NEGR1: variants seen among roughly 807,000 people sequenced by gnomAD.
NEGR1 encodes the protein neuronal growth regulator 1.
NEGR1 carries 10 observed loss-of-function variants against 40.9 expected under a neutral mutation model. The observed-to-expected ratio is 0.24, with a 90% CI of 0.15 to 0.42. NEGR1 has a LOEUF of 0.42. Ranked by LOEUF, NEGR1 falls within the 10% of genes least tolerant of loss-of-function variation. The pLI, the probability that NEGR1 is intolerant of heterozygous loss-of-function variation, is 1.00. For synonymous variants in NEGR1, 185 were observed against 166.8 expected, an observed-to-expected ratio of 1.11 and a Z score of -0.84; for missense variants, 352 against 438.9, an observed-to-expected ratio of 0.80 and a Z score of 1.77.
chr1:71,397,114 A>G lies in NEGR1; in HGVS notation c.*10332T>C. The G allele has an allele frequency of 6.3e-6, 1 of 159,376 alleles. No homozygotes were observed. Among genetic ancestry groups the G allele is most frequent in the Non-Finnish European group, 1.4e-5 (1 of 73,882 alleles). 9.9% of individuals were successfully genotyped at this position (159,376 alleles called of 1,614,324 possible). The stretch of plus-strand genomic sequence containing the variant: ...ATAAAATCCAGGCTGAGGTGGTCTC[A>G]GATGGAAATGAATAACTTGTTGGGA... On this transcript the variant is annotated 3_prime_UTR_variant, in exon 7 of 7. Coordinates refer to ENST00000357731, the MANE Select transcript of NEGR1 (RefSeq NM_173808.3).
chr1:71,513,111 A>G (rs2101418978), intron 6 of NEGR1, among the ~76,000 whole-genome samples: 1 of 152,316 alleles, frequency 6.6e-6, no homozygotes, highest in Middle Eastern at 3.4e-3. Flanking sequence ...GAGAGGGTGG[A>G]TTTAGATGAA....
At chr1:72,139,654 T>A (rs773457479) in intron 1 of NEGR1, among the ~76,000 whole-genome samples, 2 of 152,036 alleles carry the variant, frequency 1.3e-5, no homozygotes, top group Non-Finnish European at 2.9e-5. Flanking sequence ...TATGTAAAAT[T>A]CTAGAAAATG....
chr1:71,920,066 AAC>A (rs1216719977), intron 2 of NEGR1, among the ~76,000 whole-genome samples: 1 of 152,056 alleles, frequency 6.6e-6, no homozygotes, highest in South Asian at 2.1e-4. Flanking sequence ...AGCCTCCTAC[AAC>A]TGCTCCCCAG....
intron 1 of NEGR1, among the ~76,000 whole-genome samples, chr1:72,029,559 A>ACATATTT (rs1646839936): frequency 6.6e-6 from 1 of 152,326 alleles, no homozygotes; most frequent in Non-Finnish European, 1.5e-5. Flanking sequence ...TTTATTGACA[A>ACATATTT]GTAATGCTGT....
intron 1 of NEGR1, among the ~76,000 whole-genome samples, chr1:71,953,239 G>T (rs538096215): frequency 1.3e-5 from 2 of 151,906 alleles, no homozygotes; most frequent in Non-Finnish European, 2.9e-5. Context: ...GCCTGGAAAG[G>T]ATTCTCCATT....
chr1:71,815,615 G>T (rs576100403), intron 2 of NEGR1, among the ~76,000 whole-genome samples: 2 of 152,074 alleles, frequency 1.3e-5, no homozygotes, highest in East Asian at 1.9e-4. Flanking sequence ...ATATATTTAG[G>T]TTACTTAGTT....
At chr1:72,143,886 A>ATATATAT (rs1650781901) in intron 1 of NEGR1, among the ~76,000 whole-genome samples, 2 of 79,906 alleles carry the variant, frequency 2.5e-5, no homozygotes, top group African/African-American at 7.9e-5. Context: ...ATATATTCAT[A>ATATATAT]TATATATATT....
chr1:71,451,776 AAATAGGAT>A (rs1367660655), intron 6 of NEGR1, among the ~76,000 whole-genome samples: 1 of 152,210 alleles, frequency 6.6e-6, no homozygotes, highest in Admixed American at 6.5e-5. Context: ...ATTTCCTCTG[AAATAGGAT>A]ATTTTAAATC....
chr1:72,065,146 T>C (rs757523207), intron 1 of NEGR1, among the ~76,000 whole-genome samples: 4 of 151,986 alleles, frequency 2.6e-5, no homozygotes, highest in African/African-American at 4.8e-5. Context: ...AGTGTAATCA[T>C]ACAAGGCCAT....
intron 2 of NEGR1, among the ~76,000 whole-genome samples, chr1:71,918,927 C>T (rs1661680546): frequency 6.6e-6 from 1 of 152,114 alleles, no homozygotes; most frequent in South Asian, 2.1e-4. Flanking sequence ...TAACTGATTC[C>T]CATGTGGCTT....
intron 2 of NEGR1, among the ~76,000 whole-genome samples, chr1:71,901,375 C>T (rs1481613366): frequency 5.3e-5 from 8 of 152,132 alleles, no homozygotes; most frequent in Admixed American, 2.0e-4. Context: ...TTATTTATCA[C>T]GCATCTTTCT....
chr1:71,952,630 A>T lies in NEGR1; in HGVS notation c.177-17319T>A, dbSNP rs538660290. ...ATAATTGATGAAGATGTCTACATTA[A>T]CATCAGATTTTCAGTGCAGATAAAA... On this transcript the variant is annotated intron_variant, in intron 1 of 6. Transcript: ENST00000357731. 2.0e-5 allele frequency among the ~76,000 whole-genome samples: 3 copies of T among 152,114 alleles called. No homozygotes were observed. In the East Asian group the frequency reaches 5.8e-4, roughly 29 times the overall value.
At chr1:71,830,321 G>C (rs1418207607) in intron 2 of NEGR1, among the ~76,000 whole-genome samples, 1 of 151,820 alleles carries the variant, frequency 6.6e-6, no homozygotes, top group Non-Finnish European at 1.5e-5. Context: ...TTCTATAAAA[G>C]GGGCTAATAG....
intron 3 of NEGR1, among the ~76,000 whole-genome samples, chr1:71,758,768 C>A (rs1655831172): frequency 6.6e-6 from 1 of 152,090 alleles, no homozygotes. Context: ...CACATTGGGT[C>A]TTGATTTTTA....
chr1:71,528,057 G>T (rs924020341), intron 6 of NEGR1, among the ~76,000 whole-genome samples: 1 of 151,222 alleles, frequency 6.6e-6, no homozygotes, highest in Admixed American at 6.6e-5. Context: ...TTTGCTAAGT[G>T]GTTCAGCATT....
intron 6 of NEGR1, among the ~76,000 whole-genome samples, chr1:71,492,931 C>T (rs1646939058): frequency 6.6e-6 from 1 of 152,088 alleles, no homozygotes; most frequent in African/African-American, 2.4e-5. Context: ...TAGAATTCAC[C>T]ATCTTTCCTC....
At chr1:72,261,847 A>C (rs574020824) in intron 1 of NEGR1, among the ~76,000 whole-genome samples, 5 of 152,214 alleles carry the variant, frequency 3.3e-5, no homozygotes, top group East Asian at 3.9e-4. Context: ...AATGATAGAC[A>C]TTGGAGATCC....
At chr1:72,143,836 T>A (rs1027747715) in intron 1 of NEGR1, among the ~76,000 whole-genome samples, 52 of 145,394 alleles carry the variant, frequency 3.6e-4, no homozygotes, top group Non-Finnish European at 6.3e-4. Context: ...GAAAATGTAC[T>A]GATAACAAAG....
At chr1:71,421,975 T>A (rs1646397704) in intron 6 of NEGR1, among the ~76,000 whole-genome samples, 1 of 151,982 alleles carries the variant, frequency 6.6e-6, no homozygotes, top group African/African-American at 2.4e-5. Context: ...CTGTGAATGT[T>A]CCTGCTAATC....
Sources: allele counts gnomAD v4.1 joint callset (sites outside exome capture counted in the v4.1 genomes callset), GRCh38; gene constraint gnomAD v4.1.1; transcripts MANE v1.5; gene names NCBI Gene and HGNC (gene_info 2026-07-23, HGNC 2026-07-21).